The following UST variants were observed in gnomAD, a reference collection of about 807,000 sequenced individuals.
UST encodes the protein uronyl 2-sulfotransferase.
A neutral mutation model predicts 45.6 loss-of-function variants in UST; 21 were observed. That is an observed-to-expected ratio of 0.46 (90% CI 0.33 to 0.66). The LOEUF (loss-of-function observed/expected upper bound fraction) is 0.66. Among genes scored for constraint, UST ranks in the 30% least tolerant of loss-of-function variants. The probability of loss-of-function intolerance (pLI) is 0.02; values close to 1 mark genes in which losing one functional copy is unlikely to be tolerated. For synonymous variants in UST, 215 were observed against 200.6 expected, an observed-to-expected ratio of 1.07 and a Z score of -0.61; for missense variants, 463 against 512.4, an observed-to-expected ratio of 0.90 and a Z score of 0.93.
intron 2 of UST, among the ~76,000 whole-genome samples, chr6:148,906,612 A>G (rs559838775): frequency 6.6e-6 from 1 of 152,284 alleles, no homozygotes; most frequent in East Asian, 1.9e-4. Context: ...TTTGTCATGA[A>G]AGGTGATAGT....
intron 1 of UST, among the ~76,000 whole-genome samples, chr6:148,864,101 G>A (rs1163023088): frequency 2.0e-5 from 3 of 152,230 alleles, no homozygotes; most frequent in Admixed American, 2.0e-4. Context: ...TGCCCCCAGA[G>A]GTGGAGTCTA....
intron 1 of UST, among the ~76,000 whole-genome samples, chr6:148,871,645 C>G (rs550943382): frequency 6.6e-6 from 1 of 152,278 alleles, no homozygotes; most frequent in Admixed American, 6.5e-5. Flanking sequence ...CTGTAAACTC[C>G]CCACAGCCAC....
At chr6:148,971,777 G>A (rs1335292149) in intron 5 of UST, among the ~76,000 whole-genome samples, 3 of 152,194 alleles carry the variant, frequency 2.0e-5, no homozygotes, top group Admixed American at 2.0e-4. Context: ...AAGATCCCTG[G>A]GGAGGCACTA....
intron 7 of UST, among the ~76,000 whole-genome samples, chr6:149,056,129 T>C (rs1436638576): frequency 1.8e-5 from 2 of 113,264 alleles, no homozygotes; most frequent in East Asian, 2.2e-4. Flanking sequence ...TTTTTTTTTT[T>C]TTTTTTTTTT....
chr6:148,990,894 C>T (rs572641838), intron 5 of UST, among the ~76,000 whole-genome samples: 1 of 152,134 alleles, frequency 6.6e-6, no homozygotes, highest in Non-Finnish European at 1.5e-5. Context: ...GGAAGCTGAT[C>T]GTATCTATTC....
chr6:148,947,102 A>G (rs1303368256), intron 3 of UST, among the ~76,000 whole-genome samples: 1 of 152,064 alleles, frequency 6.6e-6, no homozygotes, highest in Non-Finnish European at 1.5e-5. Flanking sequence ...ATAAGACTTG[A>G]AAGCAAACGG....
At chr6:148,866,077 A>G (rs1442057956) in intron 1 of UST, among the ~76,000 whole-genome samples, 2 of 152,058 alleles carry the variant, frequency 1.3e-5, no homozygotes, top group Non-Finnish European at 2.9e-5. Context: ...GAAAGAAAGA[A>G]TTAATTAGAC....
chr6:148,905,241 G>GC (rs1779333544), intron 2 of UST, among the ~76,000 whole-genome samples: 1 of 152,140 alleles, frequency 6.6e-6, no homozygotes, highest in Non-Finnish European at 1.5e-5. Context: ...TCTCTTCCCT[G>GC]GTCCCTGACA....
At chr6:149,042,781 G>A (rs1776333306) in intron 7 of UST, among the ~76,000 whole-genome samples, 1 of 152,140 alleles carries the variant, frequency 6.6e-6, no homozygotes, top group African/African-American at 2.4e-5. Context: ...TATTTGATTT[G>A]ATATATATTT....
rs73778998 is a variant in UST, at chr6:148,993,212, T to C, written c.682-25927T>C. 1.8e-3 allele frequency: 566 copies of C among 310,254 alleles called. 2 individuals carry two copies. Among genetic ancestry groups the C allele is most frequent in the African/African-American group, 0.012 (554 of 44,406 alleles). The allele number at this position is 310,254 out of a possible 1,614,324, so 19.2% of individuals were successfully genotyped here. A position where few individuals can be genotyped will look rare whatever the true frequency, so the allele number is the denominator to read the frequency against. On this transcript the variant is annotated intron_variant, in intron 5 of 7. Transcript: ENST00000367463. The stretch of plus-strand genomic sequence containing the variant: ...AAGAAGAATGAGTTTCTCCTGAGCC[T>C]TCCATCAGACCTAGTGGCACAGGTC...
At chr6:149,055,634 G>A (rs1047531105) in intron 7 of UST, among the ~76,000 whole-genome samples, 1 of 152,078 alleles carries the variant, frequency 6.6e-6, no homozygotes, top group Non-Finnish European at 1.5e-5. Flanking sequence ...AGTAACACTA[G>A]CACCTCTTTC....
At position 149,050,634 on chromosome 6, in the gene UST, G is replaced by A. The variant is rs79976380; in HGVS notation, c.938-23199G>A. Among the ~76,000 whole-genome samples the A allele has an allele frequency of 2.3e-3, 346 of 152,288 alleles. 18 individuals are homozygous for A. In the East Asian group the frequency reaches 0.052, roughly 23 times the overall value. On this transcript the variant is annotated intron_variant, in intron 7 of 7. Coordinates refer to ENST00000367463, the MANE Select transcript of UST (RefSeq NM_005715.3). ...TTTAGGCTTGATATTTTTCAATAAAGTATATTCCTCATTATACTTTATCCT... is the reference window on the plus strand; with the variant it reads ...TTTAGGCTTGATATTTTTCAATAAAATATATTCCTCATTATACTTTATCCT...
At chr6:148,896,249 G>A (rs1395478014) in intron 2 of UST, among the ~76,000 whole-genome samples, 2 of 152,278 alleles carry the variant, frequency 1.3e-5, no homozygotes, top group African/African-American at 2.4e-5. Flanking sequence ...AGAGAAAAAT[G>A]AATTTCTTGT....
chr6:149,037,657 G>C (rs563184508), intron 7 of UST, among the ~76,000 whole-genome samples: 89 of 152,366 alleles, frequency 5.8e-4, no homozygotes, highest in Non-Finnish European at 9.8e-4. Context: ...CCACGGACCG[G>C]TGCCAGTCCG....
chr6:148,960,909 T>G lies in UST; in HGVS notation c.528-3501T>G, dbSNP rs573836513. ...TTTCAAATTTTGATGAAAATATACC[T>G]AAGATTTTTACCCTAGTGCTTTGTG... On this transcript the variant is annotated intron_variant, in intron 4 of 7. Transcript: ENST00000367463. Among the ~76,000 whole-genome samples the G allele has an allele frequency of 3.9e-5, 6 of 152,338 alleles. No homozygotes were observed. The East Asian group carries it at 1.2e-3, about 29-fold the overall frequency.
chr6:148,842,375 C>G (rs1054237817), intron 1 of UST, among the ~76,000 whole-genome samples: 3 of 152,162 alleles, frequency 2.0e-5, no homozygotes, highest in African/African-American at 7.2e-5. Flanking sequence ...TTATATGTAA[C>G]TGTCTTACAC....
At chr6:149,042,323 A>G (rs1438210771) in intron 7 of UST, among the ~76,000 whole-genome samples, 1 of 152,244 alleles carries the variant, frequency 6.6e-6, no homozygotes. Flanking sequence ...CACTAAAAAT[A>G]CAGGTGATGT....
intron 7 of UST, among the ~76,000 whole-genome samples, chr6:149,052,258 T>C (rs74405493): frequency 0.017 from 2,513 of 152,300 alleles, 45 homozygotes; most frequent in African/African-American, 0.048. Context: ...TCTATTTCAG[T>C]GGCAGAATAC....
Position 148,790,323 on chromosome 6 carries a change from C to G in UST, c.247+42646C>G, listed in dbSNP as rs1776819368. On this transcript the variant is annotated intron_variant, in intron 1 of 7. Coordinates refer to ENST00000367463, the MANE Select transcript of UST (RefSeq NM_005715.3). This position sits in a 1 kb window ranked among gnomAD's most constrained non-coding sequence, Gnocchi z 4.2. The stretch of plus-strand genomic sequence containing the variant: ...GACCCCGTTTTGCTGTCTGCTCTCT[C>G]CAGCGCCTCATGATGTCAGATGTAG... Among the ~76,000 whole-genome samples, 1 of 152,188 alleles carries G rather than the reference C, an allele frequency of 6.6e-6. No individual in the cohort carries two copies. Among genetic ancestry groups the G allele is most frequent in the Non-Finnish European group, 1.5e-5 (1 of 68,030 alleles).
Sources: allele counts gnomAD v4.1 joint callset (sites outside exome capture counted in the v4.1 genomes callset), GRCh38; gene constraint gnomAD v4.1.1; non-coding constraint Gnocchi (gnomAD v3.1); transcripts MANE v1.5; gene names NCBI Gene and HGNC (gene_info 2026-07-23, HGNC 2026-07-21).